Variants in TNR observed in about 807,000 individuals in gnomAD.
The protein encoded by TNR is tenascin-R.
In TNR, 45 loss-of-function variants were observed where a neutral mutation model predicts 150.4. The observed-to-expected ratio is 0.30, with a 90% CI of 0.24 to 0.38. TNR has a LOEUF of 0.38. Ranked by LOEUF, TNR falls within the 10% of genes least tolerant of loss-of-function variation. TNR has a pLI of 1.00. For synonymous variants in TNR, 687 were observed against 678.4 expected (o/e 1.01, Z -0.20); for missense variants, 1,544 against 1,759.1 (o/e 0.88, Z 2.19).
intron 1 of TNR, among the ~76,000 whole-genome samples, chr1:175,664,694 A>T (rs1265659896): frequency 6.6e-6 from 1 of 152,240 alleles, no homozygotes; most frequent in Admixed American, 6.5e-5. Context: ...AAAGATGTCA[A>T]CATTTACATA....
At chr1:175,353,626 C>G (rs1244572143) in intron 18 of TNR, among the ~76,000 whole-genome samples, 1 of 152,100 alleles carries the variant, frequency 6.6e-6, no homozygotes, top group Non-Finnish European at 1.5e-5. Context: ...GCCTTCCTGA[C>G]CAGTTGTTAT....
chr1:175,447,285 GTTC>G lies in TNR; in HGVS notation c.-63-40511_-63-40509del, dbSNP rs372401856. ...AGTCCCCCACACCAGCAGTGGATTTGTTCTTCTTCTTTCTCGGCCTTCCTCCTG... is the reference window on the plus strand; with the variant it reads ...AGTCCCCCACACCAGCAGTGGATTTGTTCTTCTTTCTCGGCCTTCCTCCTG... On this transcript the variant is annotated intron_variant, in intron 2 of 22. Coordinates refer to ENST00000367674, the MANE Select transcript of TNR (RefSeq NM_003285.3). Among the ~76,000 whole-genome samples, 25 of 152,244 alleles carry G rather than the reference GTTC, an allele frequency of 1.6e-4. No homozygotes were observed. In the East Asian group the frequency reaches 2.3e-3, roughly 14 times the overall value.
chr1:175,730,128 A>G (rs773214082), intron 1 of TNR, among the ~76,000 whole-genome samples: 3 of 152,054 alleles, frequency 2.0e-5, no homozygotes, highest in Non-Finnish European at 4.4e-5. Context: ...TACCGCCTGC[A>G]TGAAGGCCCA....
intron 1 of TNR, among the ~76,000 whole-genome samples, chr1:175,610,414 T>C (rs1006144151): frequency 2.6e-5 from 4 of 152,232 alleles, no homozygotes; most frequent in Non-Finnish European, 5.9e-5. Flanking sequence ...GCTAAACAGC[T>C]CTTCATTCCT....
chr1:175,686,345 A>AC (rs1371045764), intron 1 of TNR, among the ~76,000 whole-genome samples: 3 of 152,344 alleles, frequency 2.0e-5, no homozygotes, highest in African/African-American at 7.2e-5. Context: ...ACCACATTCA[A>AC]CAGAGTCATT....
intron 4 of TNR, among the ~76,000 whole-genome samples, chr1:175,398,129 C>T (rs1408672057): frequency 2.0e-5 from 3 of 152,146 alleles, no homozygotes; most frequent in Non-Finnish European, 2.9e-5. Context: ...GCTGTCTCCT[C>T]ATTGTACTCA....
intron 4 of TNR, among the ~76,000 whole-genome samples, chr1:175,399,611 T>C (rs1653602203): frequency 1.3e-5 from 2 of 152,176 alleles, no homozygotes; most frequent in Non-Finnish European, 2.9e-5. Context: ...GCATCAGTAA[T>C]CCTTATAAAA....
chr1:175,331,029 C>CTTTCTTTCTTTCTTTCTTTCTTTCTTTCT (rs1649748868), intron 20 of TNR, among the ~76,000 whole-genome samples: 2 of 68,176 alleles, frequency 2.9e-5, no homozygotes, highest in African/African-American at 9.6e-5. Context: ...TTCTTTCTTT[C>CTTTCTTTCTTTCTTTCTTTCTTTCTTTCT]TTTCTTTCTT....
At chr1:175,328,922 A>G (rs1649564408) in intron 21 of TNR, among the ~76,000 whole-genome samples, 1 of 152,240 alleles carries the variant, frequency 6.6e-6, no homozygotes, top group African/African-American at 2.4e-5. Context: ...GAATAGCGTC[A>G]GGTGATTTTT....
At chr1:175,505,428 C>T (rs1403705950) in intron 2 of TNR, among the ~76,000 whole-genome samples, 9 of 152,232 alleles carry the variant, frequency 5.9e-5, no homozygotes, top group Admixed American at 5.2e-4. Context: ...CAGCCCTCCT[C>T]CGTTCCCCGG....
At chr1:175,675,195 A>G (rs146782985) in intron 1 of TNR, among the ~76,000 whole-genome samples, 47 of 152,350 alleles carry the variant, frequency 3.1e-4, no homozygotes, top group African/African-American at 1.1e-3. Context: ...CATTGTGCAT[A>G]TCGGCTTGTC....
intron 1 of TNR, among the ~76,000 whole-genome samples, chr1:175,683,159 GC>G: frequency 6.6e-6 from 1 of 152,186 alleles, no homozygotes; most frequent in Non-Finnish European, 1.5e-5. Flanking sequence ...AGGAGGATCT[GC>G]TTAGAGCCAG....
At chr1:175,530,214 G>C (rs546725263) in intron 1 of TNR, among the ~76,000 whole-genome samples, 1 of 152,166 alleles carries the variant, frequency 6.6e-6, no homozygotes, top group Non-Finnish European at 1.5e-5. Context: ...GCACACAGAA[G>C]GCTTACTGAG....
At chr1:175,501,412 A>G (rs859389) in intron 2 of TNR, among the ~76,000 whole-genome samples, 8,210 of 152,234 alleles carry the variant, frequency 0.054, 711 homozygotes, top group African/African-American at 0.18. Flanking sequence ...AACCACAGGA[A>G]CTAAATTTCC....
chr1:175,710,192 G>T (rs964082013), intron 1 of TNR, among the ~76,000 whole-genome samples: 2 of 152,148 alleles, frequency 1.3e-5, no homozygotes, highest in African/African-American at 4.8e-5. Context: ...GTCTAGGAAA[G>T]AGAGGATGGC....
intron 1 of TNR, among the ~76,000 whole-genome samples, chr1:175,612,924 C>T (rs1167348486): frequency 9.2e-6 from 1 of 109,100 alleles, no homozygotes; most frequent in Non-Finnish European, 1.8e-5. Flanking sequence ...GGAACACAGC[C>T]CCCCTTTCCC....
At chr1:175,695,455 T>C (rs1033282345) in intron 1 of TNR, among the ~76,000 whole-genome samples, 13 of 152,190 alleles carry the variant, frequency 8.5e-5, no homozygotes, top group African/African-American at 3.1e-4. Context: ...TATGAGACAA[T>C]AAATGTTTGT....
In TNR at chr1:175,323,174, A is replaced by AGAC; in HGVS notation, c.*182_*183insGTC. The AGAC allele has an allele frequency of 1.5e-6, 1 of 680,470 alleles. No individual in the cohort carries two copies. Among genetic ancestry groups the AGAC allele is most frequent in the Non-Finnish European group, 2.3e-6 (1 of 435,562 alleles). The allele number at this position is 680,470 out of a possible 1,614,324, so 42.2% of individuals were successfully genotyped here. A position where few individuals can be genotyped will look rare whatever the true frequency, so the allele number is the denominator to read the frequency against. On this transcript the variant is annotated 3_prime_UTR_variant, in exon 23 of 23. Coordinates refer to ENST00000367674, the MANE Select transcript of TNR (RefSeq NM_003285.3). ...GGAGGGAGAATGGAGACTGAGGGTCAGGCTCCAGGGCAGCAGAAACCAAGA... is the reference window on the plus strand; with the variant it reads ...GGAGGGAGAATGGAGACTGAGGGTCAGACGGCTCCAGGGCAGCAGAAACCAAGA...
intron 1 of TNR, among the ~76,000 whole-genome samples, chr1:175,716,388 C>T (rs1667155255): frequency 6.6e-6 from 1 of 152,194 alleles, no homozygotes; most frequent in South Asian, 2.1e-4. Flanking sequence ...CCCCTTCCCC[C>T]TGGTTGTTGT....
Sources: gnomAD v4.1 joint callset for allele counts (sites outside exome capture counted in the v4.1 genomes callset) on GRCh38, gnomAD v4.1.1 for gene constraint, MANE v1.5 for transcripts, NCBI Gene and HGNC (gene_info 2026-07-23, HGNC 2026-07-21) for gene names.